The following SCFD2 variants were observed in gnomAD, a reference collection of about 807,000 sequenced individuals.
SCFD2 encodes sec1 family domain-containing protein 2.
In SCFD2, 54 loss-of-function variants were observed where a neutral mutation model predicts 58.9. That is an observed-to-expected ratio of 0.92 (90% CI 0.74 to 1.15). The LOEUF (loss-of-function observed/expected upper bound fraction) is 1.15, where lower values mean the gene tolerates loss of function less well. SCFD2 is among the 50% of genes most tolerant of loss of function. The probability of loss-of-function intolerance (pLI) is 0.00; values close to 1 mark genes in which losing one functional copy is unlikely to be tolerated. For missense variants in SCFD2, 805 were observed against 836.6 expected, an observed-to-expected ratio of 0.96 and a Z score of 0.47; for synonymous variants, 321 against 335.9, an observed-to-expected ratio of 0.96 and a Z score of 0.49.
intron 8 of SCFD2, among the ~76,000 whole-genome samples, chr4:52,879,770 T>C (rs189456424): frequency 6.6e-6 from 1 of 152,378 alleles, no homozygotes; most frequent in East Asian, 1.9e-4. Context: ...CTTCCTGTTC[T>C]ATTTCTGCTG....
intron 4 of SCFD2, among the ~76,000 whole-genome samples, chr4:53,253,158 T>G (rs982698594): frequency 6.6e-6 from 1 of 152,204 alleles, no homozygotes; most frequent in African/African-American, 2.4e-5. Flanking sequence ...TCACTGGCCA[T>G]CAGAGAAATG....
chr4:53,160,897 G>A (rs1726833408), intron 4 of SCFD2, among the ~76,000 whole-genome samples: 1 of 152,150 alleles, frequency 6.6e-6, no homozygotes, highest in Non-Finnish European at 1.5e-5. Flanking sequence ...TTGAGGAAGT[G>A]AAAACATTCT....
chr4:53,193,208 TAA>T (rs1249110073), intron 4 of SCFD2, among the ~76,000 whole-genome samples: 1 of 152,106 alleles, frequency 6.6e-6, no homozygotes, highest in African/African-American at 2.4e-5. Flanking sequence ...AATTCATCTG[TAA>T]AGGAAACTAA....
chr4:52,915,681 A>C (rs904268239), intron 6 of SCFD2, among the ~76,000 whole-genome samples: 23 of 152,210 alleles, frequency 1.5e-4, no homozygotes, highest in Admixed American at 7.2e-4. Context: ...AATATGAGGA[A>C]GGTGAAGCCC....
At chr4:52,875,131 G>A (rs538519920) in intron 8 of SCFD2, among the ~76,000 whole-genome samples, 13 of 152,284 alleles carry the variant, frequency 8.5e-5, no homozygotes, top group South Asian at 8.3e-4. Context: ...GGATCCCAGC[G>A]CAGACAGGCT....
intron 8 of SCFD2, among the ~76,000 whole-genome samples, chr4:52,874,809 C>G (rs1229238292): frequency 5.9e-5 from 9 of 152,198 alleles, no homozygotes; most frequent in African/African-American, 2.2e-4. Flanking sequence ...TTAACTTGAT[C>G]ATCTGCAAAG....
chr4:53,038,758 A>G (rs1040861342), intron 5 of SCFD2, among the ~76,000 whole-genome samples: 3 of 151,662 alleles, frequency 2.0e-5, no homozygotes, highest in African/African-American at 7.3e-5. Context: ...GTGTGATCAC[A>G]TCTCACTGCA....
chr4:52,877,071 G>C (rs930918659), intron 8 of SCFD2, among the ~76,000 whole-genome samples: 2 of 152,168 alleles, frequency 1.3e-5, no homozygotes, highest in Non-Finnish European at 2.9e-5. Flanking sequence ...GGAACTTGGA[G>C]TGAAAAGGCT....
intron 5 of SCFD2, among the ~76,000 whole-genome samples, chr4:52,955,538 G>A (rs1577857875): frequency 1.3e-5 from 2 of 152,342 alleles, no homozygotes; most frequent in African/African-American, 4.8e-5. Context: ...CGTGGGAACT[G>A]AGGCACAGAG....
intron 7 of SCFD2, among the ~76,000 whole-genome samples, chr4:52,893,378 T>G (rs1041855184): frequency 6.6e-6 from 1 of 152,188 alleles, no homozygotes; most frequent in Non-Finnish European, 1.5e-5. Flanking sequence ...CTTGTTTTTC[T>G]TATATGAACA....
chr4:53,268,666 G>C (rs1196782673), intron 4 of SCFD2, among the ~76,000 whole-genome samples: 1 of 152,086 alleles, frequency 6.6e-6, no homozygotes, highest in Non-Finnish European at 1.5e-5. Flanking sequence ...GGCATGAGGA[G>C]GGCCTCTATG....
intron 2 of SCFD2, among the ~76,000 whole-genome samples, chr4:53,331,158 C>T (rs1213962898): frequency 1.3e-5 from 2 of 151,758 alleles, no homozygotes; most frequent in Non-Finnish European, 2.9e-5. Flanking sequence ...GAGACTGTAA[C>T]ACCCCACTGT....
intron 8 of SCFD2, 117 bp from the exon 9 acceptor site, chr4:52,874,178 T>C: frequency 1.4e-6 from 1 of 729,918 alleles, no homozygotes; most frequent in Admixed American, 2.2e-5. Flanking sequence ...GAAGTGAAGT[T>C]CTAGGAAGGA....
At chr4:53,320,120 T>C (rs974727614) in intron 2 of SCFD2, among the ~76,000 whole-genome samples, 4 of 152,234 alleles carry the variant, frequency 2.6e-5, no homozygotes, top group Non-Finnish European at 5.9e-5. Flanking sequence ...TTGGACCCCA[T>C]TTCATAAGTG....
chr4:52,919,228 T>G (rs892536207), intron 6 of SCFD2, among the ~76,000 whole-genome samples: 1 of 152,194 alleles, frequency 6.6e-6, no homozygotes, highest in African/African-American at 2.4e-5. Context: ...GGGAAAGACC[T>G]CATTCATTTA....
intron 4 of SCFD2, among the ~76,000 whole-genome samples, chr4:53,253,027 C>T (rs1190929752): frequency 6.6e-6 from 1 of 151,978 alleles, no homozygotes; most frequent in South Asian, 2.1e-4. Flanking sequence ...ACAGTGAACT[C>T]AAACACATTT....
At chr4:53,089,454 C>T (rs865846556) in intron 5 of SCFD2, among the ~76,000 whole-genome samples, 2 of 150,842 alleles carry the variant, frequency 1.3e-5, no homozygotes, top group African/African-American at 2.4e-5. Context: ...CATCATGATG[C>T]AGGTAACTAA....
At position 52,907,590 on chromosome 4, in the gene SCFD2, G is replaced by T. The variant is rs376159144; in HGVS notation, c.1709C>A (p.Ala570Glu). 5.0e-6 allele frequency: 8 copies of T among 1,613,926 alleles called. No homozygotes were observed. In the Admixed American group the frequency reaches 6.7e-5, roughly 13 times the overall value. Residue 570 changes from alanine to glutamate, a missense_variant and splice_region_variant, in exon 7 of 9, where the codon GCA becomes GAA. Physicochemically the swap from Ala to Glu is moderately radical, Grantham distance 107 (BLOSUM62 -1). Coordinates refer to ENST00000401642, the MANE Select transcript of SCFD2 (RefSeq NM_152540.4). ...VYVPGNHTHQ[A>E]SYKPLLKQVV... ...TTGCTTCAACAATGGCTTATAAGAT[G>T]CCTGGAAAGACAAAATACTATGAGT...
intron 3 of SCFD2, among the ~76,000 whole-genome samples, chr4:53,291,226 A>G (rs1314605330): frequency 2.0e-5 from 3 of 152,162 alleles, no homozygotes; most frequent in Admixed American, 6.5e-5. Context: ...ATTTAACAAT[A>G]CATCATAAAG....
Sources: allele counts gnomAD v4.1 joint callset (sites outside exome capture counted in the v4.1 genomes callset), GRCh38; gene constraint gnomAD v4.1.1; transcripts MANE v1.5; gene names NCBI Gene and HGNC (gene_info 2026-07-23, HGNC 2026-07-21).